PCDHA9: variants seen among roughly 807,000 people sequenced by gnomAD.
PCDHA9 encodes protocadherin alpha 9, also known as protocadherin alpha-9.
A neutral mutation model predicts 62.0 loss-of-function variants in PCDHA9; 62 were observed. The observed-to-expected ratio is 1.00, with a 90% CI of 0.81 to 1.23. PCDHA9 has a LOEUF of 1.23. PCDHA9 is among the 50% of genes most tolerant of loss of function. PCDHA9 has a pLI of 0.00. For synonymous variants in PCDHA9, 557 were observed against 567.6 expected (o/e 0.98, Z 0.27); for missense variants, 1,205 against 1,249.8 (o/e 0.96, Z 0.54).
intron 1 of PCDHA9, among the ~76,000 whole-genome samples, chr5:140,930,607 G>T (rs536411934): frequency 2.4e-4 from 36 of 152,252 alleles, no homozygotes; most frequent in African/African-American, 7.5e-4. Flanking sequence ...AATCCTAGAT[G>T]CAAGAGAAGG....
At chr5:140,858,042 T>C in intron 1 of PCDHA9, 1 of 1,597,284 alleles carries the variant, frequency 6.3e-7, no homozygotes, top group Non-Finnish European at 8.6e-7. Context: ...GCCACTGTGC[T>C]TGTGTCGCTT....
intron 3 of PCDHA9, among the ~76,000 whole-genome samples, chr5:141,003,429 A>G (rs782300910): frequency 6.6e-5 from 10 of 152,138 alleles, no homozygotes; most frequent in Non-Finnish European, 1.3e-4. Flanking sequence ...CTTATGCCTC[A>G]GCCTCCCAAG....
At chr5:140,888,128 T>C (rs1365856723) in intron 1 of PCDHA9, among the ~76,000 whole-genome samples, 1 of 152,248 alleles carries the variant, frequency 6.6e-6, no homozygotes, top group Non-Finnish European at 1.5e-5. Flanking sequence ...TCTATGGATA[T>C]ATTTTCTTGC....
At chr5:140,878,906 C>T (rs1320249788) in intron 1 of PCDHA9, among the ~76,000 whole-genome samples, 2 of 152,210 alleles carry the variant, frequency 1.3e-5, no homozygotes, top group African/African-American at 4.8e-5. Flanking sequence ...CAGGCTCCAC[C>T]ACTCCCAGCT....
chr5:140,854,310 T>C (rs2043072998), intron 1 of PCDHA9: 2 of 329,758 alleles, frequency 6.1e-6, no homozygotes, highest in Non-Finnish European at 8.7e-6. Context: ...GTGGAGATGA[T>C]TGATCAATGG....
At position 140,877,018 on chromosome 5, in the gene PCDHA9, A is replaced by C; in HGVS notation, c.2394+26129A>C. On this transcript the variant is annotated intron_variant, in intron 1 of 3. Transcript: ENST00000532602. ...CGTGTCGGTGCACGCGGAGAGCGGC[A>C]AGGTGTACGCGCTGCAGCCGCTAGA... 1 of 1,612,420 alleles carries C rather than the reference A, an allele frequency of 6.2e-7. No homozygotes were observed. Among genetic ancestry groups the C allele is most frequent in the Non-Finnish European group, 8.5e-7 (1 of 1,179,802 alleles).
intron 1 of PCDHA9, among the ~76,000 whole-genome samples, chr5:140,970,418 G>A (rs1377182658): frequency 6.6e-6 from 1 of 152,220 alleles, no homozygotes; most frequent in East Asian, 1.9e-4. Flanking sequence ...ACAGTAAGGT[G>A]TAGAGGCAGG....
chr5:141,003,741 A>G (rs1291595687), intron 3 of PCDHA9, among the ~76,000 whole-genome samples: 5 of 152,180 alleles, frequency 3.3e-5, no homozygotes, highest in South Asian at 2.1e-4. Flanking sequence ...AAGCAAAACC[A>G]TATTTTGTAT....
chr5:140,926,948 CG>C, intron 1 of PCDHA9: 2 of 1,589,778 alleles, frequency 1.3e-6, no homozygotes, highest in African/African-American at 1.3e-5. Context: ...GGCGCTGCAG[CG>C]GGACAGCTCG....
At chr5:140,855,607 T>C (rs1157385251) in intron 1 of PCDHA9, among the ~76,000 whole-genome samples, 2 of 149,722 alleles carry the variant, frequency 1.3e-5, no homozygotes, top group African/African-American at 4.9e-5. Context: ...AGTATGCAAA[T>C]ATTAAGGGCA....
chr5:140,985,430 A>T lies in PCDHA9; in HGVS notation c.2542+2867A>T, dbSNP rs1158797076. ...GGAAATGGAGTGAGGAGGATTTATT[A>T]GTTGCTGCCTGAAGAAAAGGGAAAT... On this transcript the variant is annotated intron_variant, in intron 3 of 3. Transcript: ENST00000532602. Among the ~76,000 whole-genome samples the T allele has an allele frequency of 2.6e-5, 4 of 152,186 alleles. 1 individual carries two copies. Among genetic ancestry groups the T allele is most frequent in the Non-Finnish European group, 5.9e-5 (4 of 68,036 alleles).
At chr5:140,994,562 G>A (rs1554254244) in intron 3 of PCDHA9, among the ~76,000 whole-genome samples, 2 of 152,094 alleles carry the variant, frequency 1.3e-5, no homozygotes, top group Non-Finnish European at 2.9e-5. Context: ...AAAATTAGCC[G>A]GGTGTGGTGG....
intron 1 of PCDHA9, chr5:140,927,600 C>T (rs1179735453): frequency 1.9e-6 from 3 of 1,614,042 alleles, no homozygotes; most frequent in African/African-American, 1.3e-5. Flanking sequence ...TTGAGCGCTC[C>T]GTATACCGCA....
intron 1 of PCDHA9, chr5:140,966,499 A>C (rs960365429): frequency 1.4e-5 from 6 of 431,834 alleles, no homozygotes; most frequent in Non-Finnish European, 2.4e-5. Context: ...CTGGAGCTGT[A>C]GCGGCAGCAG....
At chr5:140,861,768 T>TACAA (rs2047071882) in intron 1 of PCDHA9, 1 of 158,832 alleles carries the variant, frequency 6.3e-6, no homozygotes, top group Non-Finnish European at 1.4e-5. Flanking sequence ...TCCCTGGAAA[T>TACAA]ACCAAGAGCA....
At chr5:140,896,572 T>C (rs1208639295) in intron 1 of PCDHA9, among the ~76,000 whole-genome samples, 5 of 152,002 alleles carry the variant, frequency 3.3e-5, no homozygotes, top group Admixed American at 3.3e-4. Context: ...AGATGGGGTT[T>C]TGACGTGTTG....
chr5:140,882,374 C>G, intron 1 of PCDHA9: 1 of 1,614,186 alleles, frequency 6.2e-7, no homozygotes, highest in Non-Finnish European at 8.5e-7. Context: ...CTACTCCGTC[C>G]CCGAGGAAGC....
intron 1 of PCDHA9, among the ~76,000 whole-genome samples, chr5:140,935,451 T>C (rs2090381894): frequency 6.6e-6 from 1 of 152,232 alleles, no homozygotes; most frequent in African/African-American, 2.4e-5. Context: ...AATATGATAC[T>C]GTAGCAGTTT....
At chr5:140,982,984 G>A (rs558088522) in intron 3 of PCDHA9, among the ~76,000 whole-genome samples, 11 of 151,694 alleles carry the variant, frequency 7.3e-5, no homozygotes, top group Non-Finnish European at 1.5e-4. Flanking sequence ...GAAAGAAAGA[G>A]AAAAAGAAGG....
Sources: allele counts gnomAD v4.1 joint callset (sites outside exome capture counted in the v4.1 genomes callset), GRCh38; gene constraint gnomAD v4.1.1; transcripts MANE v1.5; gene names NCBI Gene and HGNC (gene_info 2026-07-23, HGNC 2026-07-21).